Variants in INPP4B observed in about 807,000 individuals in gnomAD.
The protein encoded by INPP4B is inositol polyphosphate-4-phosphatase type II B.
A neutral mutation model predicts 122.5 loss-of-function variants in INPP4B; 55 were observed. The observed-to-expected ratio is 0.45, with a 90% CI of 0.36 to 0.56. INPP4B has a LOEUF of 0.56. Among genes scored for constraint, INPP4B ranks in the 20% least tolerant of loss-of-function variants. INPP4B has a pLI of 0.00. For synonymous variants in INPP4B, 403 were observed against 388.7 expected (o/e 1.04, Z -0.43); for missense variants, 1,000 against 1,097.7 (o/e 0.91, Z 1.26).
intron 7 of INPP4B, among the ~76,000 whole-genome samples, chr4:142,374,561 C>T (rs892412119): frequency 2.0e-5 from 3 of 151,888 alleles, no homozygotes; most frequent in African/African-American, 7.2e-5. Flanking sequence ...CATTATTCTA[C>T]ATGAGTTTTT....
At chr4:142,029,083 C>T in intron 25 of INPP4B, 169 bp from the exon 26 acceptor site, 1 of 1,384,300 alleles carries the variant, frequency 7.2e-7, no homozygotes, top group Non-Finnish European at 9.3e-7. Flanking sequence ...AAATCCTAGG[C>T]CAGGCCCAAT....
intron 2 of INPP4B, among the ~76,000 whole-genome samples, chr4:142,654,904 G>A (rs1753839954): frequency 6.6e-6 from 1 of 152,098 alleles, no homozygotes; most frequent in Admixed American, 6.6e-5. Context: ...CCAATACACA[G>A]AGGATCACTC....
chr4:142,130,220 G>T (rs189471503), intron 18 of INPP4B, among the ~76,000 whole-genome samples: 22 of 152,298 alleles, frequency 1.4e-4, no homozygotes, highest in Non-Finnish European at 3.1e-4. Flanking sequence ...CCACAGTGAG[G>T]CTTTGTAGGA....
intron 11 of INPP4B, among the ~76,000 whole-genome samples, chr4:142,238,876 CTA>C (rs1857862299): frequency 6.6e-6 from 1 of 152,074 alleles, no homozygotes. Flanking sequence ...CAATGAATGC[CTA>C]TGTCACACTT....
At chr4:142,759,825 T>TAAAAAAAAAAAAAAAAAAAA (rs70949188) in intron 1 of INPP4B, among the ~76,000 whole-genome samples, 8 of 70,046 alleles carry the variant, frequency 1.1e-4, no homozygotes, top group African/African-American at 4.5e-4. Context: ...GAGCTTTTTC[T>TAAAAAAAAAAAAAAAAAAAA]AAAAAAAAAA....
At chr4:142,305,232 GT>G (rs1317397205) in intron 9 of INPP4B, among the ~76,000 whole-genome samples, 4 of 152,106 alleles carry the variant, frequency 2.6e-5, no homozygotes, top group African/African-American at 9.6e-5. Context: ...ATGTAATATT[GT>G]TTTTTTCTTA....
chr4:142,082,769 T>G (rs1774654007), intron 24 of INPP4B, among the ~76,000 whole-genome samples: 1 of 152,220 alleles, frequency 6.6e-6, no homozygotes, highest in African/African-American at 2.4e-5. Flanking sequence ...CACTGTTTAT[T>G]GCAAATTGAC....
chr4:142,608,571 T>A (rs551081890), intron 2 of INPP4B, among the ~76,000 whole-genome samples: 1 of 152,222 alleles, frequency 6.6e-6, no homozygotes, highest in Middle Eastern at 3.4e-3. Flanking sequence ...CCTAGAACAA[T>A]ACTTGGAAGA....
At position 142,030,358 on chromosome 4, in the gene INPP4B, T is replaced by TA. The variant is rs1457663030; in HGVS notation, c.2643-1445dup. The TA allele has an allele frequency of 5.9e-5, 84 of 1,435,504 alleles. 1 individual carries two copies. In the East Asian group the frequency reaches 8.0e-4, roughly 14 times the overall value. The allele number at this position is 1,435,504 out of a possible 1,614,324, so 88.9% of individuals were successfully genotyped here. On this transcript the variant is annotated intron_variant, in intron 25 of 25. Transcript: ENST00000262992. ...AGAAAATAGTATAGAGTTCACACAG[T>TA]AAAAAAAATTCAGCCTTAAATATTC...
At chr4:142,511,753 T>TA (rs1423651374) in intron 2 of INPP4B, among the ~76,000 whole-genome samples, 2 of 152,132 alleles carry the variant, frequency 1.3e-5, no homozygotes, top group Admixed American at 1.3e-4. Flanking sequence ...ACCAATGCTT[T>TA]AAAAAATAGA....
intron 2 of INPP4B, among the ~76,000 whole-genome samples, chr4:142,719,900 T>C (rs531707709): frequency 6.6e-6 from 1 of 152,320 alleles, no homozygotes; most frequent in South Asian, 2.1e-4. Flanking sequence ...CAGATGTGGA[T>C]GCCGAAAAAT....
At position 142,192,166 on chromosome 4, in the gene INPP4B, G is replaced by C. The variant is rs374451801; in HGVS notation, c.1181+921C>G. ...AACAGACACCAGGACCTACTTAAGGGTGGAGGGTGGAGGAGGGTGAGGATT... is the reference window on the plus strand; with the variant it reads ...AACAGACACCAGGACCTACTTAAGGCTGGAGGGTGGAGGAGGGTGAGGATT... On this transcript the variant is annotated intron_variant, in intron 15 of 25. Transcript: ENST00000262992. Among the ~76,000 whole-genome samples, 3 of 151,650 alleles carry C rather than the reference G, an allele frequency of 2.0e-5. No individual in the cohort carries two copies. In the East Asian group the frequency reaches 5.8e-4, roughly 29 times the overall value.
chr4:142,132,370 G>T (rs1420441734), intron 18 of INPP4B, among the ~76,000 whole-genome samples: 1 of 152,056 alleles, frequency 6.6e-6, no homozygotes, highest in Non-Finnish European at 1.5e-5. Context: ...CTGTGCACAG[G>T]TCACTACAAC....
At chr4:142,579,539 G>A (rs1027220622) in intron 2 of INPP4B, among the ~76,000 whole-genome samples, 1 of 151,930 alleles carries the variant, frequency 6.6e-6, no homozygotes, top group African/African-American at 2.4e-5. Flanking sequence ...AAAGCAGATT[G>A]CCCTTTGTAA....
intron 11 of INPP4B, among the ~76,000 whole-genome samples, chr4:142,238,217 T>G (rs1336453177): frequency 3.3e-5 from 5 of 151,990 alleles, no homozygotes; most frequent in Non-Finnish European, 7.4e-5. Context: ...GAATTTTATT[T>G]TGACATCTTA....
At chr4:142,133,235 G>A (rs938138201) in intron 18 of INPP4B, among the ~76,000 whole-genome samples, 6 of 152,010 alleles carry the variant, frequency 3.9e-5, no homozygotes, top group Non-Finnish European at 5.9e-5. Flanking sequence ...ATTCAGTCTC[G>A]TGTCTTTAAG....
chr4:142,305,106 A>G (rs1351990643), intron 9 of INPP4B, among the ~76,000 whole-genome samples: 2 of 152,200 alleles, frequency 1.3e-5, no homozygotes, highest in Admixed American at 6.6e-5. Flanking sequence ...TCAAATCTGG[A>G]AAGTTATTTG....
chr4:142,138,840 G>C (rs78520632), intron 18 of INPP4B, among the ~76,000 whole-genome samples: 1 of 152,160 alleles, frequency 6.6e-6, no homozygotes, highest in African/African-American at 2.4e-5. Flanking sequence ...TTGATACCTC[G>C]TTTGGTCTCC....
rs1245668211 is a variant in INPP4B, at chr4:142,325,495, T to C, written c.373-10733A>G. Among the ~76,000 whole-genome samples the C allele has an allele frequency of 3.9e-5, 6 of 152,180 alleles. No homozygotes were observed. The East Asian group carries it at 7.7e-4, about 20-fold the overall frequency. ...AATAATTGTTGAGTGGGATATGCTA[T>C]CTTGGGTTTTACTCACTAAATGCGA... On this transcript the variant is annotated intron_variant, in intron 7 of 25. Coordinates refer to ENST00000262992, the MANE Select transcript of INPP4B (RefSeq NM_001101669.3).
Sources: allele counts gnomAD v4.1 joint callset (sites outside exome capture counted in the v4.1 genomes callset), GRCh38; gene constraint gnomAD v4.1.1; transcripts MANE v1.5; gene names NCBI Gene and HGNC (gene_info 2026-07-23, HGNC 2026-07-21).